The following ROBO1 variants were observed in gnomAD, a reference collection of about 807,000 sequenced individuals.
ROBO1 encodes roundabout homolog 1.
Under a neutral mutation model 195.9 loss-of-function variants are expected in ROBO1, and 149 were observed. The observed-to-expected ratio is 0.76, with a 90% CI of 0.67 to 0.87. ROBO1 has a LOEUF of 0.87. ROBO1 is among the 40% of genes least tolerant of loss of function. ROBO1 has a pLI of 0.00. For synonymous variants in ROBO1, 816 were observed against 733.2 expected (o/e 1.11, Z -1.82); for missense variants, 1,933 against 2,068.3 (o/e 0.93, Z 1.27).
chr3:79,543,923 A>G (rs2107649814), intron 2 of ROBO1, among the ~76,000 whole-genome samples: 1 of 152,190 alleles, frequency 6.6e-6, no homozygotes, highest in East Asian at 1.9e-4. Context: ...TTTCCTTTTA[A>G]GCTTAATGAA....
chr3:79,735,133 G>C (rs781413972), intron 1 of ROBO1, among the ~76,000 whole-genome samples: 40 of 152,198 alleles, frequency 2.6e-4, no homozygotes, highest in Non-Finnish European at 4.3e-4. Flanking sequence ...GCATCATCTG[G>C]AAGAAACTGC....
rs998267838 is a variant in ROBO1 at position 79,302,806 on chromosome 3, TA to T, written c.89-177268del. 7.9e-5 allele frequency among the ~76,000 whole-genome samples: 12 copies of T among 151,180 alleles called. No individual in the cohort carries two copies. The South Asian group carries it at 1.0e-3, about 13-fold the overall frequency. On this transcript the variant is annotated intron_variant, in intron 2 of 30. Coordinates refer to ENST00000464233, the MANE Select transcript of ROBO1 (RefSeq NM_002941.4). ...ATTATTGCCTAAATTGACATCATAT[TA>T]AAAAAAAAGACAGAGAAACTTGGAA...
At chr3:79,437,265 C>A (rs2038919365) in intron 2 of ROBO1, among the ~76,000 whole-genome samples, 1 of 151,900 alleles carries the variant, frequency 6.6e-6, no homozygotes, top group Admixed American at 6.6e-5. Flanking sequence ...GGTCAATGAC[C>A]AGATAATATT....
intron 1 of ROBO1, among the ~76,000 whole-genome samples, chr3:79,604,086 T>C (rs1054297962): frequency 3.3e-5 from 5 of 152,068 alleles, no homozygotes; most frequent in African/African-American, 9.7e-5. Context: ...GAGGTACATT[T>C]GTTTACCTTT....
intron 3 of ROBO1, among the ~76,000 whole-genome samples, chr3:79,052,188 T>A (rs1472388246): frequency 6.6e-6 from 1 of 152,088 alleles, no homozygotes; most frequent in Non-Finnish European, 1.5e-5. Context: ...GGGAAAGGAA[T>A]GCATTCCCAA....
In ROBO1 at chr3:78,889,430, C is replaced by T. The variant is rs182935856; in HGVS notation, c.499+49171G>A. On this transcript the variant is annotated intron_variant, in intron 4 of 30. Coordinates refer to ENST00000464233, the MANE Select transcript of ROBO1 (RefSeq NM_002941.4). ...CACCAACTTGACTTTTTTAGAGAGC[C>T]GTAAGTAGGAAGAAAGCACACATGT... 6.6e-5 allele frequency among the ~76,000 whole-genome samples: 10 copies of T among 152,158 alleles called. No individual in the cohort carries two copies. In the East Asian group the frequency reaches 1.4e-3, roughly 21 times the overall value.
At chr3:79,635,380 G>A (rs1264378376) in intron 1 of ROBO1, among the ~76,000 whole-genome samples, 1 of 152,054 alleles carries the variant, frequency 6.6e-6, no homozygotes, top group East Asian at 1.9e-4. Context: ...ACCCTCAATA[G>A]CCAATAAGTG....
intron 14 of ROBO1, among the ~76,000 whole-genome samples, chr3:78,667,370 G>A (rs1165894644): frequency 2.0e-5 from 3 of 152,010 alleles, no homozygotes; most frequent in African/African-American, 7.2e-5. Context: ...CAGGGTAAAT[G>A]GGGTATCTAT....
At chr3:78,938,416 C>T (rs2039937809) in intron 4 of ROBO1, 185 bp downstream of exon 4, 1 of 554,222 alleles carries the variant, frequency 1.8e-6, no homozygotes. Flanking sequence ...ACCAATTTAG[C>T]TTGAATAACA....
chr3:78,679,863 C>T (rs558700556), intron 10 of ROBO1, among the ~76,000 whole-genome samples: 2,641 of 151,804 alleles, frequency 0.017, 87 homozygotes, highest in African/African-American at 0.06. Context: ...AAAAAGAGCC[C>T]GCATCGCCAA....
intron 4 of ROBO1, among the ~76,000 whole-genome samples, chr3:78,831,532 C>T (rs1422048475): frequency 6.6e-6 from 1 of 152,132 alleles, no homozygotes; most frequent in Non-Finnish European, 1.5e-5. Context: ...CACAGATGTT[C>T]AGTTGTGCAC....
chr3:79,483,997 A>T (rs1009094215), intron 2 of ROBO1, among the ~76,000 whole-genome samples: 31 of 152,294 alleles, frequency 2.0e-4, no homozygotes, highest in African/African-American at 6.7e-4. Context: ...AAGCATCAGG[A>T]GACCTAACTG....
At chr3:79,222,276 C>T (rs1036849582) in intron 2 of ROBO1, among the ~76,000 whole-genome samples, 4 of 152,056 alleles carry the variant, frequency 2.6e-5, no homozygotes, top group African/African-American at 9.7e-5. Flanking sequence ...TTTTTATCAT[C>T]AGATATGTGA....
intron 2 of ROBO1, among the ~76,000 whole-genome samples, chr3:79,530,216 CA>C (rs1413771854): frequency 2.0e-5 from 3 of 151,906 alleles, no homozygotes; most frequent in African/African-American, 7.3e-5. Context: ...TTATTTCTGC[CA>C]AAGCGCTCAT....
chr3:79,173,565 G>A (rs1379223296), intron 2 of ROBO1, among the ~76,000 whole-genome samples: 1 of 152,106 alleles, frequency 6.6e-6, no homozygotes, highest in Non-Finnish European at 1.5e-5. Flanking sequence ...TTCCCACAGG[G>A]CAGGGCTGGG....
chr3:78,617,510 A>AC (rs1390463519), intron 27 of ROBO1, 125 bp downstream of exon 27: 96 of 1,048,320 alleles, frequency 9.2e-5, no homozygotes, highest in Non-Finnish European at 1.2e-4. Flanking sequence ...GGCAGCTAAA[A>AC]AAAAAAAAAA....
intron 2 of ROBO1, among the ~76,000 whole-genome samples, chr3:79,456,071 T>C (rs776675221): frequency 3.3e-5 from 5 of 152,172 alleles, no homozygotes; most frequent in Non-Finnish European, 7.4e-5. Flanking sequence ...ATTACTTAAG[T>C]ACATGTTGAA....
chr3:78,964,764 G>C lies in ROBO1; in HGVS notation c.173-25837C>G, dbSNP rs796654736. On this transcript the variant is annotated intron_variant, in intron 3 of 30. Coordinates refer to ENST00000464233, the MANE Select transcript of ROBO1 (RefSeq NM_002941.4). The stretch of plus-strand genomic sequence containing the variant: ...TCATACAACTTAGTCCAATGGCTCA[G>C]AGTTTTAGGGGTCTAAAAGAGGAAA... Among the ~76,000 whole-genome samples the C allele has an allele frequency of 8.7e-5, 13 of 148,866 alleles. 1 individual carries two copies. The highest frequency in any genetic ancestry group is 3.2e-4 in the African/African-American group (13 of 40,778).
intron 2 of ROBO1, among the ~76,000 whole-genome samples, chr3:79,128,061 A>G (rs1226486668): frequency 6.6e-6 from 1 of 152,216 alleles, no homozygotes; most frequent in Non-Finnish European, 1.5e-5. Flanking sequence ...ACTCACTGCG[A>G]CAGAGCTGGA....
Sources: allele counts gnomAD v4.1 joint callset (sites outside exome capture counted in the v4.1 genomes callset), GRCh38; gene constraint gnomAD v4.1.1; transcripts MANE v1.5; gene names NCBI Gene and HGNC (gene_info 2026-07-23, HGNC 2026-07-21).